ARHGAP10: variants seen among roughly 807,000 people sequenced by gnomAD.
The protein encoded by ARHGAP10 is rho GTPase-activating protein 10.
ARHGAP10 carries 87 observed loss-of-function variants against 108.6 expected under a neutral mutation model. That is an observed-to-expected ratio of 0.80 (90% CI 0.67 to 0.96). The LOEUF is 0.96. Among genes scored for constraint, ARHGAP10 ranks in the 40% least tolerant of loss-of-function variants. ARHGAP10 has a pLI of 0.00. For missense variants in ARHGAP10, 939 were observed against 954.5 expected (o/e 0.98, Z 0.21); for synonymous variants, 347 against 341.1 (o/e 1.02, Z -0.19).
At chr4:147,817,306 C>CA (rs1184926190) in intron 1 of ARHGAP10, among the ~76,000 whole-genome samples, 4 of 152,134 alleles carry the variant, frequency 2.6e-5, no homozygotes, top group African/African-American at 9.7e-5. Flanking sequence ...CCTGCACTGA[C>CA]AGTGCTGCCT....
At chr4:147,871,493 A>G (rs565459456) in intron 7 of ARHGAP10, among the ~76,000 whole-genome samples, 3 of 152,362 alleles carry the variant, frequency 2.0e-5, no homozygotes, top group East Asian at 3.9e-4. Context: ...TACTAAAATA[A>G]TAAGGCTTAA....
At chr4:147,780,417 G>A (rs1048641417) in intron 1 of ARHGAP10, among the ~76,000 whole-genome samples, 2 of 152,108 alleles carry the variant, frequency 1.3e-5, no homozygotes, top group Admixed American at 1.3e-4. Flanking sequence ...AAACAAAATG[G>A]TACCATAGTG....
intron 1 of ARHGAP10, among the ~76,000 whole-genome samples, chr4:147,800,123 T>C (rs1731516800): frequency 6.6e-6 from 1 of 152,168 alleles, no homozygotes; most frequent in African/African-American, 2.4e-5. Flanking sequence ...CTGCTGTTAT[T>C]GCTGGCTGTG....
At chr4:148,036,221 T>A (rs1232123118) in intron 19 of ARHGAP10, among the ~76,000 whole-genome samples, 1 of 152,142 alleles carries the variant, frequency 6.6e-6, no homozygotes, top group African/African-American at 2.4e-5. Context: ...CAATTTTAAT[T>A]TTTATCTTGC....
intron 3 of ARHGAP10, among the ~76,000 whole-genome samples, chr4:147,825,026 G>A (rs1319293012): frequency 2.0e-5 from 3 of 152,164 alleles, no homozygotes; most frequent in Non-Finnish European, 2.9e-5. Flanking sequence ...GTGTTAAGAA[G>A]CAGGCACTCT....
At chr4:147,820,580 GTTTTTTTTTTTTT>G (rs57534364) in intron 1 of ARHGAP10, among the ~76,000 whole-genome samples, 44 of 49,042 alleles carry the variant, frequency 9.0e-4, no homozygotes, top group African/African-American at 3.4e-3. Flanking sequence ...ACCTCGGCCA[GTTTTTTTTTTTTT>G]TTTTTTTTTT....
chr4:147,819,123 G>T (rs897402233), intron 1 of ARHGAP10, among the ~76,000 whole-genome samples: 1 of 152,162 alleles, frequency 6.6e-6, no homozygotes, highest in Non-Finnish European at 1.5e-5. Context: ...ATGAAATTAG[G>T]CATGAAATGC....
intron 20 of ARHGAP10, among the ~76,000 whole-genome samples, chr4:148,057,256 A>G (rs1729405433): frequency 6.6e-6 from 1 of 152,156 alleles, no homozygotes; most frequent in African/African-American, 2.4e-5. Flanking sequence ...AGTCTTAGGC[A>G]TTTGTAATTT....
chr4:147,966,904 C>T, intron 18 of ARHGAP10, 65 bp downstream of exon 18: 2 of 1,293,586 alleles, frequency 1.5e-6, no homozygotes, highest in East Asian at 2.6e-5. Flanking sequence ...ACACAACGAT[C>T]CTCTTAGATT....
intron 1 of ARHGAP10, among the ~76,000 whole-genome samples, chr4:147,761,326 T>C (rs1729581150): frequency 6.6e-6 from 1 of 152,230 alleles, no homozygotes; most frequent in South Asian, 2.1e-4. Context: ...GTAATCTCTA[T>C]ATAGAGTTAA....
At chr4:147,887,271 C>T (rs1735609883) in intron 10 of ARHGAP10, among the ~76,000 whole-genome samples, 3 of 152,126 alleles carry the variant, frequency 2.0e-5, no homozygotes, top group Admixed American at 2.0e-4. Context: ...CCTGTGGGAG[C>T]TGCCTGTGTT....
At chr4:147,784,831 AAT>A (rs70958585) in intron 1 of ARHGAP10, among the ~76,000 whole-genome samples, 3 of 54,240 alleles carry the variant, frequency 5.5e-5, no homozygotes, top group Non-Finnish European at 8.8e-5. Context: ...ATATATTATA[AAT>A]ATATTATAAA....
intron 9 of ARHGAP10, among the ~76,000 whole-genome samples, chr4:147,880,798 C>A (rs181560623): frequency 1.3e-5 from 2 of 152,052 alleles, no homozygotes; most frequent in African/African-American, 2.4e-5. Context: ...AATATTTAAT[C>A]TAGGGTTATC....
chr4:148,050,903 T>C (rs190289695), intron 20 of ARHGAP10, among the ~76,000 whole-genome samples: 2 of 152,350 alleles, frequency 1.3e-5, no homozygotes, highest in Admixed American at 1.3e-4. Context: ...AAAGTTGCTA[T>C]GGAGTCATTG....
intron 10 of ARHGAP10, among the ~76,000 whole-genome samples, chr4:147,898,205 G>A (rs992134882): frequency 6.6e-6 from 1 of 152,100 alleles, no homozygotes; most frequent in Non-Finnish European, 1.5e-5. Context: ...TTGTAATGCA[G>A]GTCTGCTAGA....
At chr4:147,777,652 CACTG>C (rs1418058903) in intron 1 of ARHGAP10, among the ~76,000 whole-genome samples, 2 of 152,178 alleles carry the variant, frequency 1.3e-5, no homozygotes, top group African/African-American at 2.4e-5. Context: ...CACTGGATCA[CACTG>C]ACTGACCTTT....
intron 3 of ARHGAP10, among the ~76,000 whole-genome samples, chr4:147,842,471 C>T (rs1238907927): frequency 3.9e-5 from 6 of 152,166 alleles, no homozygotes; most frequent in Admixed American, 1.3e-4. Context: ...CCTCTACTTT[C>T]TGAGCATTTC....
intron 1 of ARHGAP10, among the ~76,000 whole-genome samples, chr4:147,784,464 T>G (rs1487240428): frequency 8.0e-6 from 1 of 124,408 alleles, no homozygotes; most frequent in African/African-American, 3.0e-5. Flanking sequence ...ATATATATTA[T>G]ATAATTTATA....
chr4:147,989,551 G>C (rs2149634437), intron 18 of ARHGAP10, among the ~76,000 whole-genome samples: 1 of 152,272 alleles, frequency 6.6e-6, no homozygotes, highest in East Asian at 1.9e-4. Context: ...CCTTTCTCAG[G>C]GACGTTCCAT....
Sources: allele counts gnomAD v4.1 joint callset (sites outside exome capture counted in the v4.1 genomes callset), GRCh38; gene constraint gnomAD v4.1.1; transcripts MANE v1.5; gene names NCBI Gene and HGNC (gene_info 2026-07-23, HGNC 2026-07-21).